MSRA: variants seen among roughly 807,000 people sequenced by gnomAD.
MSRA encodes the protein mitochondrial peptide methionine sulfoxide reductase.
Under a neutral mutation model 31.3 loss-of-function variants are expected in MSRA, and 54 were observed. The observed-to-expected ratio is 1.73, with a 90% CI of 1.39 to 2.17. MSRA has a LOEUF of 2.17. Ranked by LOEUF, MSRA falls within the 30% of genes most tolerant of loss-of-function variation. The pLI, the probability that MSRA is intolerant of heterozygous loss-of-function variation, is 0.00. For synonymous variants in MSRA, 169 were observed against 116.5 expected (o/e 1.45, Z -2.90); for missense variants, 507 against 300.9 (o/e 1.69, Z -5.07).
chr8:10,160,265 T>C (rs1282213504), intron 1 of MSRA, among the ~76,000 whole-genome samples: 1 of 152,020 alleles, frequency 6.6e-6, no homozygotes, highest in Non-Finnish European at 1.5e-5. Flanking sequence ...GAGGCTGAGG[T>C]GGGCAGATCA....
chr8:10,077,265 GA>G (rs1798039430), intron 1 of MSRA, among the ~76,000 whole-genome samples: 1 of 152,162 alleles, frequency 6.6e-6, no homozygotes, highest in Admixed American at 6.5e-5. Flanking sequence ...GGCCAGGTGG[GA>G]AAGTGTGGAG....
chr8:10,352,751 C>T (rs752696923), intron 5 of MSRA, among the ~76,000 whole-genome samples: 2 of 152,160 alleles, frequency 1.3e-5, no homozygotes, highest in African/African-American at 4.8e-5. Flanking sequence ...GGTGCAGACA[C>T]GCTGCCGTCT....
chr8:10,206,501 A>G (rs937400908), intron 1 of MSRA, among the ~76,000 whole-genome samples: 1 of 152,180 alleles, frequency 6.6e-6, no homozygotes, highest in Non-Finnish European at 1.5e-5. Context: ...GCAGCTTCCC[A>G]TGGGTTTGGA....
intron 5 of MSRA, among the ~76,000 whole-genome samples, chr8:10,410,873 A>C (rs991776336): frequency 6.6e-6 from 1 of 152,212 alleles, no homozygotes; most frequent in African/African-American, 2.4e-5. Context: ...TTCTTGAGGG[A>C]GTTCCAGTTC....
At chr8:10,320,587 A>C (rs1191359871) in intron 5 of MSRA, among the ~76,000 whole-genome samples, 1 of 152,196 alleles carries the variant, frequency 6.6e-6, no homozygotes, top group African/African-American at 2.4e-5. Flanking sequence ...TCTCTGTCTG[A>C]AACTCTCTCT....
At chr8:10,116,654 A>G (rs1365450874) in intron 1 of MSRA, among the ~76,000 whole-genome samples, 1 of 152,054 alleles carries the variant, frequency 6.6e-6, no homozygotes, top group Non-Finnish European at 1.5e-5. Flanking sequence ...CTGCCAACAC[A>G]CTGGTCATTG....
At chr8:10,294,860 G>A (rs1007309279) in intron 3 of MSRA, among the ~76,000 whole-genome samples, 7 of 152,108 alleles carry the variant, frequency 4.6e-5, no homozygotes, top group African/African-American at 1.4e-4. Flanking sequence ...GACCAGGGCC[G>A]GCTTGGGAGG....
chr8:10,301,068 T>G (rs1370668443), intron 3 of MSRA, among the ~76,000 whole-genome samples: 1 of 152,170 alleles, frequency 6.6e-6, no homozygotes, highest in Non-Finnish European at 1.5e-5. Flanking sequence ...TGTGAACGAG[T>G]GATCAGCCTG....
At chr8:10,331,989 G>C (rs1235455716) in intron 5 of MSRA, among the ~76,000 whole-genome samples, 1 of 152,202 alleles carries the variant, frequency 6.6e-6, no homozygotes. Context: ...GGTGACTGCA[G>C]AGGTAAGGCT....
At chr8:10,157,646 A>T (rs1804267722) in intron 1 of MSRA, among the ~76,000 whole-genome samples, 1 of 151,986 alleles carries the variant, frequency 6.6e-6, no homozygotes, top group Admixed American at 6.6e-5. Context: ...TAATAATAAT[A>T]GTTCTTTAAT....
intron 1 of MSRA, among the ~76,000 whole-genome samples, chr8:10,060,019 A>C (rs961684478): frequency 2.6e-5 from 4 of 152,190 alleles, no homozygotes; most frequent in African/African-American, 9.6e-5. Flanking sequence ...CAAGAGTATA[A>C]ATTGGCTCAA....
chr8:10,062,011 A>G (rs1242542908), intron 1 of MSRA, among the ~76,000 whole-genome samples: 1 of 152,074 alleles, frequency 6.6e-6, no homozygotes, highest in Non-Finnish European at 1.5e-5. Flanking sequence ...GGGGGAAGGG[A>G]GGAAAGGAGG....
At chr8:10,166,233 C>G (rs150408596) in intron 1 of MSRA, among the ~76,000 whole-genome samples, 2 of 152,096 alleles carry the variant, frequency 1.3e-5, no homozygotes, top group African/African-American at 4.8e-5. Context: ...CTTTTGGTTT[C>G]TCAGGTAGCA....
intron 5 of MSRA, among the ~76,000 whole-genome samples, chr8:10,389,932 A>AGATT (rs1258613455): frequency 6.6e-6 from 1 of 152,148 alleles, no homozygotes; most frequent in Non-Finnish European, 1.5e-5. Flanking sequence ...CCAAACGGTC[A>AGATT]GATTCTGCTT....
intron 5 of MSRA, among the ~76,000 whole-genome samples, chr8:10,359,253 G>C (rs1804698848): frequency 6.6e-6 from 1 of 151,874 alleles, no homozygotes; most frequent in Admixed American, 6.6e-5. Context: ...CTCAGTATTT[G>C]TCTCTTTCTC....
At chr8:10,126,649 A>G (rs980749099) in intron 1 of MSRA, among the ~76,000 whole-genome samples, 2 of 152,064 alleles carry the variant, frequency 1.3e-5, no homozygotes, top group African/African-American at 2.4e-5. Flanking sequence ...AGTAGATGGG[A>G]TTATAGGCGT....
chr8:10,140,558 T>C (rs1802613784), intron 1 of MSRA, among the ~76,000 whole-genome samples: 1 of 152,212 alleles, frequency 6.6e-6, no homozygotes, highest in South Asian at 2.1e-4. Flanking sequence ...GGGCCTGATA[T>C]TACAAGCAAA....
At chr8:10,228,002 G>T (rs1811147729) in intron 2 of MSRA, among the ~76,000 whole-genome samples, 1 of 152,192 alleles carries the variant, frequency 6.6e-6, no homozygotes, top group Non-Finnish European at 1.5e-5. Context: ...GCTGAAATCT[G>T]TCTTTGAATC....
chr8:10,229,814 G>A (rs181993087), intron 2 of MSRA, among the ~76,000 whole-genome samples: 130 of 152,264 alleles, frequency 8.5e-4, no homozygotes, highest in African/African-American at 3.0e-3. Context: ...CTGAATCCAC[G>A]TCTATAATCT....
Sources: gnomAD v4.1 joint callset for allele counts (sites outside exome capture counted in the v4.1 genomes callset) on GRCh38, gnomAD v4.1.1 for gene constraint, MANE v1.5 for transcripts, NCBI Gene and HGNC (gene_info 2026-07-23, HGNC 2026-07-21) for gene names.